The following WDFY3 variants were observed in gnomAD, a reference collection of about 807,000 sequenced individuals.
WDFY3 encodes WD repeat and FYVE domain containing 3.
A neutral mutation model predicts 409.6 loss-of-function variants in WDFY3; 66 were observed. The observed-to-expected ratio is 0.16, with a 90% CI of 0.13 to 0.20. WDFY3 has a LOEUF of 0.20. Ranked by LOEUF, WDFY3 falls within the 10% of genes least tolerant of loss-of-function variation. The pLI is 1.00. For missense variants in WDFY3, 3,031 were observed against 4,298.1 expected, an observed-to-expected ratio of 0.71 and a Z score of 8.24; for synonymous variants, 1,521 against 1,537.1, an observed-to-expected ratio of 0.99 and a Z score of 0.25.
intron 35 of WDFY3, among the ~76,000 whole-genome samples, chr4:84,752,795 T>C (rs772157552): frequency 4.6e-5 from 7 of 152,138 alleles, no homozygotes; most frequent in Admixed American, 1.3e-4. Context: ...CATCATGAAA[T>C]TTTGAAGTAC....
intron 3 of WDFY3, among the ~76,000 whole-genome samples, chr4:84,866,513 G>C (rs1389350669): frequency 6.6e-6 from 1 of 152,222 alleles, no homozygotes; most frequent in Non-Finnish European, 1.5e-5. Flanking sequence ...AGATGGAAGG[G>C]GAAAGTGCCC....
At chr4:84,696,306 T>G (rs2148891938) in intron 57 of WDFY3, 124 bp from the exon 58 acceptor site, 2 of 848,394 alleles carry the variant, frequency 2.4e-6, no homozygotes, top group Non-Finnish European at 1.8e-6. Flanking sequence ...CAACATAGTA[T>G]TCCCCTCTTA....
In WDFY3 at chr4:84,683,954, C is replaced by T. The variant is rs1263279926; in HGVS notation, c.9715G>A (p.Gly3239Arg). Residue 3239 changes from glycine to arginine, a missense_variant, in exon 63 of 68, where the codon GGA (glycine) becomes AGA (arginine). Gly to Arg is a moderately radical substitution (Grantham distance 125, BLOSUM62 -2). Coordinates refer to ENST00000295888, the MANE Select transcript of WDFY3 (RefSeq NM_014991.6). Reference protein sequence around the residue: ...QNVIVTGHSDGVVRFWRMEFL... With the variant: ...QNVIVTGHSDRVVRFWRMEFL... ...CTCAGTTCACTTACCCGAACCACTCCATCTGAGTGTCCTGTCACTATGACG... is the reference window on the plus strand; with the variant it reads ...CTCAGTTCACTTACCCGAACCACTCTATCTGAGTGTCCTGTCACTATGACG... The T allele has an allele frequency of 6.3e-7, 1 of 1,594,928 alleles. No homozygotes were observed.
chr4:84,911,975 T>C (rs1048062995), intron 2 of WDFY3, among the ~76,000 whole-genome samples: 1 of 152,208 alleles, frequency 6.6e-6, no homozygotes, highest in Admixed American at 6.5e-5. Context: ...CTTGTCGCTA[T>C]AGTGGTAAGC....
At chr4:84,684,855 C>T (rs1377085193) in intron 62 of WDFY3, among the ~76,000 whole-genome samples, 2 of 152,134 alleles carry the variant, frequency 1.3e-5, no homozygotes, top group Non-Finnish European at 2.9e-5. Flanking sequence ...AGAACACAAC[C>T]CACTATAGTT....
chr4:84,956,692 A>G (rs1175275735), intron 1 of WDFY3, among the ~76,000 whole-genome samples: 1 of 152,144 alleles, frequency 6.6e-6, no homozygotes, highest in Non-Finnish European at 1.5e-5. Context: ...TAAGCTTGCA[A>G]CCTCATCAAA....
chr4:84,859,679 G>A (rs1411309353), intron 4 of WDFY3, among the ~76,000 whole-genome samples: 1 of 152,124 alleles, frequency 6.6e-6, no homozygotes, highest in Non-Finnish European at 1.5e-5. Flanking sequence ...GGGTTCAAGC[G>A]ATTCTCCTGC....
rs1775754009 is a variant in WDFY3 at position 84,966,321 on chromosome 4, G to C, written c.-338C>G. 6.7e-6 allele frequency: 1 copy of C among 149,324 alleles called. No homozygotes were observed. The highest frequency in any genetic ancestry group is 2.4e-5 in the African/African-American group (1 of 41,076). 9.2% of individuals were successfully genotyped at this position (149,324 alleles called of 1,614,324 possible). A position where few individuals can be genotyped will look rare whatever the true frequency, so the allele number is the denominator to read the frequency against. ...ACGGGGAAGGGGCGACCGGCGCGACGTCCGCGGCGGGGCCCGGGAGCCCCG... is the reference window on the plus strand; with the variant it reads ...ACGGGGAAGGGGCGACCGGCGCGACCTCCGCGGCGGGGCCCGGGAGCCCCG... On this transcript the variant is annotated 5_prime_UTR_variant, in exon 1 of 68. Transcript: ENST00000295888.
At chr4:84,898,499 G>C in intron 2 of WDFY3, among the ~76,000 whole-genome samples, 1 of 152,076 alleles carries the variant, frequency 6.6e-6, no homozygotes, top group Admixed American at 6.6e-5. Flanking sequence ...TCCCACTCAC[G>C]GATACAGTCT....
At chr4:84,965,940 C>T (rs1354127474) in intron 1 of WDFY3, 1 of 152,444 alleles carries the variant, frequency 6.6e-6, no homozygotes, top group African/African-American at 2.4e-5. Context: ...GACCCCGACC[C>T]CGACCCGTCC....
intron 13 of WDFY3, among the ~76,000 whole-genome samples, chr4:84,811,726 T>G (rs1752523323): frequency 6.6e-6 from 1 of 152,186 alleles, no homozygotes; most frequent in Non-Finnish European, 1.5e-5. Context: ...AAGTCATTTT[T>G]TTTTAAAAGA....
Position 84,949,322 on chromosome 4 carries a change from T to TA in WDFY3, c.-226+16886dup, listed in dbSNP as rs557335352. 1.0e-3 allele frequency among the ~76,000 whole-genome samples: 159 copies of TA among 152,280 alleles called. 2 individuals are homozygous for TA. Among genetic ancestry groups the TA allele is most frequent in the African/African-American group, 3.6e-3 (148 of 41,554 alleles). On this transcript the variant is annotated intron_variant, in intron 1 of 67. Coordinates refer to ENST00000295888, the MANE Select transcript of WDFY3 (RefSeq NM_014991.6). ...TGGAAACTTGGCAGTATAGTACAAT[T>TA]AAAACAATAACATAATATAGGAAAG... is the stretch of plus-strand genomic sequence containing the variant.
At chr4:84,839,891 A>G (rs974774455) in intron 6 of WDFY3, among the ~76,000 whole-genome samples, 1 of 152,122 alleles carries the variant, frequency 6.6e-6, no homozygotes, top group Non-Finnish European at 1.5e-5. Flanking sequence ...AAAAGAGAGA[A>G]AAAACACAGC....
intron 2 of WDFY3, among the ~76,000 whole-genome samples, chr4:84,914,217 C>G (rs890570658): frequency 1.3e-5 from 2 of 151,940 alleles, no homozygotes; most frequent in African/African-American, 4.8e-5. Flanking sequence ...GTGAGGAGAT[C>G]AAGACCAGCC....
chr4:84,931,437 G>C (rs1375794107), intron 2 of WDFY3, among the ~76,000 whole-genome samples: 1 of 152,154 alleles, frequency 6.6e-6, no homozygotes, highest in African/African-American at 2.4e-5. Flanking sequence ...TTGGGAGGCA[G>C]TGGCAAGCAG....
intron 1 of WDFY3, among the ~76,000 whole-genome samples, chr4:84,951,846 G>A (rs1773653412): frequency 6.6e-6 from 1 of 152,168 alleles, no homozygotes; most frequent in African/African-American, 2.4e-5. Flanking sequence ...AAGCAGGGTA[G>A]GAAGAAGAAA....
At position 84,801,862 on chromosome 4, in the gene WDFY3, A is replaced by G. The variant is rs1183751824; in HGVS notation, c.2610T>C (p.His870=). 1.2e-6 allele frequency: 2 copies of G among 1,613,102 alleles called. No individual in the cohort carries two copies. The highest frequency in any genetic ancestry group is 1.7e-5 in the Admixed American group (1 of 59,990). Residue 870 remains histidine, a splice_region_variant and synonymous_variant, in exon 17 of 68, where the codon CAT becomes CAC. Transcript: ENST00000295888. The part of the protein sequence containing the change: ...ASVGSVTQPE[H]ALDLQLAVAN... ...CCACGGCAAGTTGAAGATCCAAAGCATGCTAAAATCAACAAAGAAATCCAC... is the reference window on the plus strand; with the variant it reads ...CCACGGCAAGTTGAAGATCCAAAGCGTGCTAAAATCAACAAAGAAATCCAC...
At chr4:84,745,770 T>C (rs1739327933) in intron 36 of WDFY3, among the ~76,000 whole-genome samples, 1 of 152,128 alleles carries the variant, frequency 6.6e-6, no homozygotes, top group African/African-American at 2.4e-5. Flanking sequence ...AACAGATTAA[T>C]ACAATAGCGA....
intron 1 of WDFY3, among the ~76,000 whole-genome samples, chr4:84,937,338 C>T: frequency 6.6e-6 from 1 of 152,094 alleles, no homozygotes; most frequent in African/African-American, 2.4e-5. Context: ...ATCTCATCGA[C>T]CTCTCCTTGT....
Sources: gnomAD v4.1 joint callset for allele counts (sites outside exome capture counted in the v4.1 genomes callset) on GRCh38, gnomAD v4.1.1 for gene constraint, MANE v1.5 for transcripts, NCBI Gene and HGNC (gene_info 2026-07-23, HGNC 2026-07-21) for gene names.